The following SLC9B1 variants were observed in gnomAD, a reference collection of about 807,000 sequenced individuals.
The protein encoded by SLC9B1 is solute carrier family 9 member B1, also known as sodium/hydrogen exchanger 9B1.
SLC9B1 carries 32 observed loss-of-function variants against 51.7 expected under a neutral mutation model. The ratio of observed to expected loss-of-function variants is 0.62; its 90% CI spans 0.47 to 0.83. SLC9B1 has a LOEUF of 0.83. Among genes scored for constraint, SLC9B1 ranks in the 40% least tolerant of loss-of-function variants. SLC9B1 has a pLI of 0.00. For missense variants in SLC9B1, 406 were observed against 613.2 expected, an observed-to-expected ratio of 0.66 and a Z score of 3.57; for synonymous variants, 145 against 212.7, an observed-to-expected ratio of 0.68 and a Z score of 2.77.
intron 3 of SLC9B1, among the ~76,000 whole-genome samples, chr4:102,950,598 C>T (rs1485066563): frequency 6.6e-6 from 1 of 152,222 alleles, no homozygotes; most frequent in Non-Finnish European, 1.5e-5. Context: ...GATTTTGACT[C>T]ACTCCAGGCA....
chr4:102,956,125 G>A (rs766468766), intron 3 of SLC9B1, among the ~76,000 whole-genome samples: 6 of 152,144 alleles, frequency 3.9e-5, no homozygotes, highest in Non-Finnish European at 7.4e-5. Flanking sequence ...GGTCCTGGTA[G>A]ACGACATTGC....
intron 7 of SLC9B1, among the ~76,000 whole-genome samples, chr4:102,912,595 A>G (rs920632471): frequency 6.6e-6 from 1 of 152,206 alleles, no homozygotes; most frequent in African/African-American, 2.4e-5. Flanking sequence ...ACTAAATATA[A>G]CAGGCAGGGC....
intron 7 of SLC9B1, among the ~76,000 whole-genome samples, chr4:102,931,293 A>G (rs1304021105): frequency 2.7e-5 from 4 of 149,372 alleles, no homozygotes; most frequent in Non-Finnish European, 5.9e-5. Context: ...ACAGAGAGAG[A>G]GGGGGAAGGG....
chr4:102,902,453 A>G (rs544724296), intron 11 of SLC9B1, among the ~76,000 whole-genome samples: 3 of 152,318 alleles, frequency 2.0e-5, no homozygotes, highest in Non-Finnish European at 4.4e-5. Flanking sequence ...AGAAAAAGAT[A>G]ATCATGCAGA....
At chr4:102,889,287 C>CTGTT (rs767735387) in intron 11 of SLC9B1, 2 of 152,358 alleles carry the variant, frequency 1.3e-5, no homozygotes, top group African/African-American at 4.8e-5. Context: ...TTCTTCAACA[C>CTGTT]TGTTAAGGGG....
chr4:103,000,149 C>G (rs1457962567), intron 1 of SLC9B1, among the ~76,000 whole-genome samples: 1 of 152,168 alleles, frequency 6.6e-6, no homozygotes, highest in Non-Finnish European at 1.5e-5. Context: ...GTCTCTTCCT[C>G]TACACATGGA....
At chr4:102,967,579 C>T (rs534104663) in intron 3 of SLC9B1, among the ~76,000 whole-genome samples, 13 of 152,116 alleles carry the variant, frequency 8.5e-5, no homozygotes, top group East Asian at 3.9e-4. Context: ...AAGCATGAAG[C>T]GTGACCTCAC....
chr4:102,965,158 T>C (rs1738355951), intron 3 of SLC9B1, among the ~76,000 whole-genome samples: 2 of 152,048 alleles, frequency 1.3e-5, no homozygotes, highest in Admixed American at 1.3e-4. Flanking sequence ...ACAATTCCAA[T>C]CACAATAGCA....
chr4:102,927,187 T>C (rs1350833903), intron 7 of SLC9B1, among the ~76,000 whole-genome samples: 1 of 152,172 alleles, frequency 6.6e-6, no homozygotes, highest in Non-Finnish European at 1.5e-5. Context: ...GCCATAGGCA[T>C]GGGCGAGGTC....
intron 6 of SLC9B1, among the ~76,000 whole-genome samples, chr4:102,938,687 G>A (rs1038590288): frequency 3.3e-5 from 5 of 151,946 alleles, no homozygotes; most frequent in Admixed American, 6.6e-5. Context: ...TCTTGGACCC[G>A]CAGTGTAATA....
At chr4:102,967,579 C>G (rs534104663) in intron 3 of SLC9B1, among the ~76,000 whole-genome samples, 2 of 152,000 alleles carry the variant, frequency 1.3e-5, no homozygotes, top group Non-Finnish European at 2.9e-5. Context: ...AAGCATGAAG[C>G]GTGACCTCAC....
At chr4:102,972,258 C>T (rs773681069) in intron 3 of SLC9B1, among the ~76,000 whole-genome samples, 2 of 152,146 alleles carry the variant, frequency 1.3e-5, no homozygotes, top group African/African-American at 4.8e-5. Flanking sequence ...ACAGGCAAAC[C>T]GAATCCAGCA....
rs1741648614 is a variant in SLC9B1, at chr4:103,019,642, G to A, written c.-45C>T. ...CCCTCGCTGGCCCGGGAGCGGCCCA[G>A]GAGCCCAGTGACCGTTGCGTAAGCC... is the stretch of plus-strand genomic sequence containing the variant. On this transcript the variant is annotated 5_prime_UTR_variant, in exon 1 of 12. Transcript: ENST00000296422. The A allele has an allele frequency of 5.1e-6, 5 of 985,378 alleles. No individual in the cohort carries two copies. The highest frequency in any genetic ancestry group is 6.0e-6 in the Non-Finnish European group (5 of 829,976). 61.0% of individuals were successfully genotyped at this position (985,378 alleles called of 1,614,324 possible).
intron 3 of SLC9B1, among the ~76,000 whole-genome samples, chr4:102,988,333 A>G (rs767248120): frequency 6.6e-6 from 1 of 152,112 alleles, no homozygotes; most frequent in Non-Finnish European, 1.5e-5. Context: ...ATGTGATGAG[A>G]CTGATTTCTG....
chr4:102,886,255 G>A (rs950956074), intron 11 of SLC9B1, among the ~76,000 whole-genome samples: 3 of 152,118 alleles, frequency 2.0e-5, no homozygotes, highest in Non-Finnish European at 2.9e-5. Context: ...TTGGGAGGCC[G>A]AGGCAGGTGG....
chr4:102,921,513 A>G (rs1735876603), intron 7 of SLC9B1, among the ~76,000 whole-genome samples: 1 of 152,236 alleles, frequency 6.6e-6, no homozygotes, highest in Non-Finnish European at 1.5e-5. Context: ...TTAACGGGCA[A>G]ATAACCAGCA....
chr4:103,003,662 C>A (rs1349432405), intron 1 of SLC9B1, among the ~76,000 whole-genome samples: 2 of 152,082 alleles, frequency 1.3e-5, no homozygotes, highest in South Asian at 2.1e-4. Flanking sequence ...GCCACTACCC[C>A]AGTGAAGCAC....
intron 7 of SLC9B1, among the ~76,000 whole-genome samples, chr4:102,923,302 A>G (rs1389451745): frequency 6.6e-6 from 1 of 152,198 alleles, no homozygotes; most frequent in East Asian, 1.9e-4. Context: ...GCAGAACCAA[A>G]GACAAAAACC....
intron 1 of SLC9B1, among the ~76,000 whole-genome samples, chr4:103,006,360 G>C (rs899139691): frequency 3.3e-5 from 5 of 151,930 alleles, no homozygotes; most frequent in Non-Finnish European, 7.4e-5. Context: ...AGACTATTAT[G>C]AACACCTCTA....
Sources: gnomAD v4.1 joint callset for allele counts (sites outside exome capture counted in the v4.1 genomes callset) on GRCh38, gnomAD v4.1.1 for gene constraint, MANE v1.5 for transcripts, NCBI Gene and HGNC (gene_info 2026-07-23, HGNC 2026-07-21) for gene names.